DLG2: variants seen among roughly 807,000 people sequenced by gnomAD.
DLG2 encodes the protein disks large homolog 2.
In DLG2, 45 loss-of-function variants were observed where a neutral mutation model predicts 132.5. That is an observed-to-expected ratio of 0.34 (90% CI 0.27 to 0.44). The LOEUF is 0.44. Among genes scored for constraint, DLG2 ranks in the 20% least tolerant of loss-of-function variants. The pLI is 1.00. For synonymous variants in DLG2, 424 were observed against 419.6 expected, an observed-to-expected ratio of 1.01 and a Z score of -0.13; for missense variants, 1,045 against 1,196.9, an observed-to-expected ratio of 0.87 and a Z score of 1.87.
chr11:84,936,826 C>T (rs1259794414), intron 6 of DLG2: 2 of 152,088 alleles, frequency 1.3e-5, no homozygotes, highest in African/African-American at 2.4e-5. Context: ...AGATATAAAC[C>T]TTACCTTTTA....
At chr11:85,549,386 A>C (rs2076528906) in intron 3 of DLG2, among the ~76,000 whole-genome samples, 1 of 152,152 alleles carries the variant, frequency 6.6e-6, no homozygotes, top group African/African-American at 2.4e-5. Flanking sequence ...CTTCTGCATC[A>C]ATCTCACCAG....
intron 8 of DLG2, among the ~76,000 whole-genome samples, chr11:84,166,521 G>C (rs374781439): frequency 1.1e-5 from 1 of 94,408 alleles, no homozygotes; most frequent in Admixed American, 1.0e-4. Flanking sequence ...AAAAAAAAAA[G>C]AAAAGAAAGA....
chr11:84,488,047 C>A (rs1248903255), intron 7 of DLG2, among the ~76,000 whole-genome samples: 1 of 152,122 alleles, frequency 6.6e-6, no homozygotes, highest in African/African-American at 2.4e-5. Flanking sequence ...GACATACTAT[C>A]TTTAATCTTT....
intron 3 of DLG2, among the ~76,000 whole-genome samples, chr11:85,591,596 A>G (rs2079343060): frequency 6.6e-6 from 1 of 152,148 alleles, no homozygotes; most frequent in Admixed American, 6.5e-5. Context: ...TACAAAAATT[A>G]GCTGGGCGTG....
intron 16 of DLG2, among the ~76,000 whole-genome samples, chr11:83,866,061 A>G (rs1010842488): frequency 6.6e-6 from 1 of 152,022 alleles, no homozygotes; most frequent in Non-Finnish European, 1.5e-5. Context: ...AGGTACTCAG[A>G]GCATCACAGT....
intron 6 of DLG2, among the ~76,000 whole-genome samples, chr11:85,009,967 A>C (rs1438325132): frequency 3.9e-5 from 6 of 152,136 alleles, no homozygotes; most frequent in Non-Finnish European, 8.8e-5. Context: ...GTTGCCCAAG[A>C]ATCCCAGCAA....
At chr11:84,901,712 G>T (rs1482659278) in intron 6 of DLG2, among the ~76,000 whole-genome samples, 2 of 151,942 alleles carry the variant, frequency 1.3e-5, no homozygotes, top group African/African-American at 2.4e-5. Context: ...TTATACAGCA[G>T]ACCAGTAATT....
At chr11:84,060,445 T>C (rs1448851753) in intron 10 of DLG2, among the ~76,000 whole-genome samples, 2 of 152,156 alleles carry the variant, frequency 1.3e-5, no homozygotes, top group African/African-American at 4.8e-5. Context: ...AGTTCAGATT[T>C]ACAAAGTTCA....
intron 6 of DLG2, among the ~76,000 whole-genome samples, chr11:84,915,023 C>T (rs1002491690): frequency 6.6e-6 from 1 of 152,166 alleles, no homozygotes; most frequent in Non-Finnish European, 1.5e-5. Context: ...ATATGCTAAT[C>T]GGCAAATGAA....
chr11:84,939,689 C>T (rs1384892201), intron 6 of DLG2, among the ~76,000 whole-genome samples: 1 of 152,164 alleles, frequency 6.6e-6, no homozygotes, highest in Non-Finnish European at 1.5e-5. Context: ...TCTCTCTGTG[C>T]TTGGCTTATT....
intron 11 of DLG2, among the ~76,000 whole-genome samples, chr11:84,013,946 G>A (rs1023956067): frequency 6.7e-6 from 1 of 148,676 alleles, no homozygotes. Flanking sequence ...TAACTGTCTT[G>A]ACTGGACCTG....
chr11:84,304,221 G>C (rs989407161), intron 7 of DLG2, among the ~76,000 whole-genome samples: 3 of 152,136 alleles, frequency 2.0e-5, no homozygotes, highest in African/African-American at 7.2e-5. Context: ...TTGTCACAAA[G>C]AGGCCACAAG....
chr11:84,490,230 A>G (rs2099161303), intron 7 of DLG2, among the ~76,000 whole-genome samples: 1 of 152,164 alleles, frequency 6.6e-6, no homozygotes, highest in Admixed American at 6.6e-5. Context: ...GTGAGGATTA[A>G]GTAAGATTGT....
intron 3 of DLG2, among the ~76,000 whole-genome samples, chr11:85,552,880 GC>G (rs1598464259): frequency 6.6e-6 from 1 of 151,452 alleles, no homozygotes; most frequent in Non-Finnish European, 1.5e-5. Flanking sequence ...CTAAGAATTT[GC>G]CCAAAATGAT....
chr11:83,708,809 T>C (rs2084672687), intron 18 of DLG2, among the ~76,000 whole-genome samples: 1 of 152,170 alleles, frequency 6.6e-6, no homozygotes, highest in Non-Finnish European at 1.5e-5. Flanking sequence ...AACTGGGGGA[T>C]AGAAGATCAA....
chr11:84,368,231 T>C (rs1297156494), intron 7 of DLG2, among the ~76,000 whole-genome samples: 2 of 152,192 alleles, frequency 1.3e-5, no homozygotes, highest in East Asian at 3.8e-4. Context: ...ACATGTAATA[T>C]ATGTTCTTTT....
At chr11:83,749,682 G>T (rs1260380076) in intron 18 of DLG2, among the ~76,000 whole-genome samples, 1 of 152,138 alleles carries the variant, frequency 6.6e-6, no homozygotes, top group East Asian at 1.9e-4. Context: ...AATCCTGAGG[G>T]GGTCTGATGA....
At chr11:85,107,598 C>T (rs1163318788) in intron 6 of DLG2, among the ~76,000 whole-genome samples, 5 of 151,972 alleles carry the variant, frequency 3.3e-5, no homozygotes, top group Admixed American at 3.3e-4. Context: ...TCAGCTGAGT[C>T]CTAGAAACTG....
intron 4 of DLG2, among the ~76,000 whole-genome samples, chr11:85,221,260 T>TCTCCTGACCTCGTGATCCATC (rs1192528602): frequency 1.2e-4 from 18 of 152,062 alleles, no homozygotes; most frequent in Admixed American, 3.3e-4. Context: ...ATGGTCTCAA[T>TCTCCTGACCTCGTGATCCATC]CTCCTGACCT....
Sources: allele counts gnomAD v4.1 joint callset (sites outside exome capture counted in the v4.1 genomes callset), GRCh38; gene constraint gnomAD v4.1.1; transcripts MANE v1.5; gene names NCBI Gene and HGNC (gene_info 2026-07-23, HGNC 2026-07-21).